The following NBR1 variants were observed in gnomAD, a reference collection of about 807,000 sequenced individuals.
The protein encoded by NBR1 is NBR1 autophagy cargo receptor, also known as next to BRCA1 gene 1 protein.
Under a neutral mutation model 115.5 loss-of-function variants are expected in NBR1, and 59 were observed. The ratio of observed to expected loss-of-function variants is 0.51; its 90% CI spans 0.41 to 0.63. The LOEUF (loss-of-function observed/expected upper bound fraction) is 0.63. NBR1 is among the 30% of genes least tolerant of loss of function. The pLI, the probability that NBR1 is intolerant of heterozygous loss-of-function variation, is 0.00. For missense variants in NBR1, 1,043 were observed against 1,150.5 expected (o/e 0.91, Z 1.35); for synonymous variants, 373 against 414.7 (o/e 0.90, Z 1.22).
At position 43,200,392 on chromosome 17, in the gene NBR1, A is replaced by G; in HGVS notation, c.2252A>G (p.Tyr751Cys). The part of the protein sequence containing the change: ...DTSRPLGDSM[Y>C]SSALSQPGLE... ...AGCCGCCCCCTGGGGGATTCTATGTACAGCTCTGCGCTCTCACAGCCAGGC... is the reference window on the plus strand; with the variant it reads ...AGCCGCCCCCTGGGGGATTCTATGTGCAGCTCTGCGCTCTCACAGCCAGGC... Residue 751 changes from tyrosine to cysteine, a missense_variant, in exon 17 of 21, where the codon TAC (tyrosine) becomes TGC (cysteine). Transcript: ENST00000590996. 7 of 1,592,002 alleles carry G rather than the reference A, an allele frequency of 4.4e-6. No individual in the cohort carries two copies. Among genetic ancestry groups the G allele is most frequent in the Non-Finnish European group, 6.0e-6 (7 of 1,169,414 alleles).
intron 2 of NBR1, chr17:43,176,687 A>T (rs1009919587): frequency 3.3e-5 from 5 of 151,930 alleles, no homozygotes; most frequent in African/African-American, 1.2e-4. Context: ...GATTGGATTC[A>T]GAAAGAAGTT....
intron 2 of NBR1, among the ~76,000 whole-genome samples, chr17:43,176,875 C>A (rs563347099): frequency 1.3e-5 from 2 of 152,178 alleles, no homozygotes; most frequent in Non-Finnish European, 2.9e-5. Flanking sequence ...TCTCCCCCCC[C>A]TCATCTGTTA....
chr17:43,209,323 G>A (rs1565163), intron 20 of NBR1, among the ~76,000 whole-genome samples: 47,368 of 151,692 alleles, frequency 0.31, 7,805 homozygotes, highest in South Asian at 0.49. Context: ...TGATCCGCCC[G>A]CCTCAGCCTC....
intron 13 of NBR1, 179 bp from the exon 14 acceptor site, chr17:43,194,785 G>A (rs1028141611): frequency 1.6e-6 from 1 of 628,708 alleles, no homozygotes; most frequent in African/African-American, 1.9e-5. Context: ...TCTCTTTCCT[G>A]CTATTGGGTT....
intron 16 of NBR1, among the ~76,000 whole-genome samples, chr17:43,198,167 CAA>C (rs1034162744): frequency 1.2e-4 from 12 of 101,818 alleles, no homozygotes; most frequent in African/African-American, 1.1e-4. Flanking sequence ...AACTCCGTCT[CAA>C]AAAAAAAAAA....
At chr17:43,175,045 G>A (rs1007690303) in intron 1 of NBR1, among the ~76,000 whole-genome samples, 2 of 152,170 alleles carry the variant, frequency 1.3e-5, no homozygotes, top group African/African-American at 4.8e-5. Context: ...GTTGCAGTGA[G>A]CTGAGATCGT....
At chr17:43,171,841 A>C (rs1224803789) in intron 1 of NBR1, among the ~76,000 whole-genome samples, 1 of 152,122 alleles carries the variant, frequency 6.6e-6, no homozygotes, top group Non-Finnish European at 1.5e-5. Flanking sequence ...TGCTTTCTCA[A>C]AGACCAACCC....
chr17:43,185,763 G>A (rs1189980580), intron 5 of NBR1, among the ~76,000 whole-genome samples: 6 of 152,072 alleles, frequency 3.9e-5, no homozygotes, highest in African/African-American at 1.2e-4. Flanking sequence ...TTGGGAGGGC[G>A]AGGTGGGTGG....
At chr17:43,201,803 T>G in intron 18 of NBR1, 23 bp downstream of exon 18, 1 of 1,266,560 alleles carries the variant, frequency 7.9e-7, no homozygotes, top group Non-Finnish European at 1.2e-6. Flanking sequence ...CTAAGCTTTT[T>G]CTCTTTTTCT....
In NBR1 at chr17:43,193,649, A is replaced by G. The variant is rs1016974065; in HGVS notation, c.1524+11A>G. On this transcript the variant is annotated intron_variant, in intron 12 of 20. Coordinates refer to ENST00000590996, the MANE Select transcript of NBR1 (RefSeq NM_005899.5). ...ACCTGCCAGCAAGAGGTGAGCATTG[A>G]CTGACAGGCTTTGGCCTAGTATCCA... The G allele has an allele frequency of 3.8e-6, 6 of 1,599,248 alleles. No individual in the cohort carries two copies. In the African/African-American group the frequency reaches 8.0e-5, roughly 21 times the overall value.
intron 20 of NBR1, among the ~76,000 whole-genome samples, chr17:43,206,175 CAAA>C (rs1280826827): frequency 9.4e-5 from 6 of 63,810 alleles, no homozygotes; most frequent in Non-Finnish European, 1.3e-4. Context: ...GACTCTGTCT[CAAA>C]AAAAAAAAAA....
chr17:43,210,114 A>G lies in NBR1; in HGVS notation c.*40A>G, dbSNP rs2057392183. On this transcript the variant is annotated 3_prime_UTR_variant, in exon 21 of 21. Coordinates refer to ENST00000590996, the MANE Select transcript of NBR1 (RefSeq NM_005899.5). ...TTAAATAACTGCCTGCTGCTCAGAG[A>G]TGATCTTTATTCTGTCATTGGGGTA... is the stretch of plus-strand genomic sequence containing the variant. 1 of 1,572,616 alleles carries G rather than the reference A, an allele frequency of 6.4e-7. No homozygotes were observed. The highest frequency in any genetic ancestry group is 1.4e-5 in the African/African-American group (1 of 73,676).
intron 18 of NBR1, 101 bp from the exon 19 acceptor site, chr17:43,202,554 T>C: frequency 1.4e-6 from 1 of 726,054 alleles, no homozygotes; most frequent in Non-Finnish European, 2.2e-6. Flanking sequence ...TCAAACACTG[T>C]GATCAGATTG....
upstream of NBR1, chr17:43,170,553 T>A (rs2056326819): frequency 6.5e-6 from 1 of 153,046 alleles, no homozygotes; most frequent in Non-Finnish European, 1.5e-5. Context: ...TCCAAAGCAG[T>A]CTTAAGAAGA....
chr17:43,193,764 C>G (rs1279390497), intron 12 of NBR1, 126 bp downstream of exon 12: 2 of 976,148 alleles, frequency 2.0e-6, no homozygotes, highest in African/African-American at 3.3e-5. Flanking sequence ...AGCATCTCCC[C>G]CCGCCCCAAC....
chr17:43,184,227 C>CT (rs111447417), intron 5 of NBR1, among the ~76,000 whole-genome samples: 208 of 137,338 alleles, frequency 1.5e-3, no homozygotes, highest in Middle Eastern at 7.8e-3. Flanking sequence ...GATTTTTAAA[C>CT]TTTTTTTTTT....
chr17:43,184,383 T>TTTTTTTTTTTTTGG (rs2056751123), intron 5 of NBR1, among the ~76,000 whole-genome samples: 1 of 145,774 alleles, frequency 6.9e-6, no homozygotes, highest in African/African-American at 2.5e-5. Context: ...TTTTTTTTTT[T>TTTTTTTTTTTTTGG]GAGACAGAGT....
At chr17:43,181,673 A>C (rs963112778) in intron 5 of NBR1, among the ~76,000 whole-genome samples, 3 of 151,056 alleles carry the variant, frequency 2.0e-5, no homozygotes, top group African/African-American at 2.4e-5. Flanking sequence ...CAAAACAAAA[A>C]AAACAAACAA....
In NBR1 at chr17:43,209,728, G is replaced by A. The variant is rs374905990; in HGVS notation, c.2728-173G>A. On this transcript the variant is annotated intron_variant, in intron 20 of 20. Coordinates refer to ENST00000590996, the MANE Select transcript of NBR1 (RefSeq NM_005899.5). ...ATCTAAAATAGGGCCTTCCCAGTCC[G>A]AACCGTTGGTATCAAGTACACAGGA... 51 of 1,526,230 alleles carry A rather than the reference G, an allele frequency of 3.3e-5. 1 individual carries two copies. Among genetic ancestry groups the A allele is most frequent in the East Asian group, 2.7e-4 (11 of 40,790 alleles). 94.5% of individuals were successfully genotyped at this position (1,526,230 alleles called of 1,614,324 possible).
Sources: allele counts gnomAD v4.1 joint callset (sites outside exome capture counted in the v4.1 genomes callset), GRCh38; gene constraint gnomAD v4.1.1; transcripts MANE v1.5; gene names NCBI Gene and HGNC (gene_info 2026-07-23, HGNC 2026-07-21).